Variants in DNAI3 observed in about 807,000 individuals in gnomAD.
DNAI3 encodes WD repeat domain 63.
DNAI3 carries 83 observed loss-of-function variants against 115.5 expected under a neutral mutation model. The observed-to-expected ratio is 0.72, with a 90% CI of 0.60 to 0.86. DNAI3 has a LOEUF of 0.86. Ranked by LOEUF, DNAI3 falls within the 40% of genes least tolerant of loss-of-function variation. The probability of loss-of-function intolerance (pLI) is 0.00; values close to 1 mark genes in which losing one functional copy is unlikely to be tolerated. For synonymous variants in DNAI3, 320 were observed against 347.0 expected, an observed-to-expected ratio of 0.92 and a Z score of 0.86; for missense variants, 1,004 against 1,075.8, an observed-to-expected ratio of 0.93 and a Z score of 0.93.
intron 14 of DNAI3, among the ~76,000 whole-genome samples, chr1:85,105,528 C>CAAAAAAAAAAAAAAAAAAA (rs755945527): frequency 3.9e-5 from 2 of 51,694 alleles, no homozygotes; most frequent in East Asian, 3.9e-4. Flanking sequence ...AACTCTGTCT[C>CAAAAAAAAAAAAAAAAAAA]AAAAAAAAAA....
chr1:85,130,269 C>A, intron 22 of DNAI3, 157 bp downstream of exon 22: 1 of 1,071,918 alleles, frequency 9.3e-7, no homozygotes, highest in Non-Finnish European at 1.3e-6. Context: ...GATTTCCTAG[C>A]TCACTGCCAG....
intron 22 of DNAI3, among the ~76,000 whole-genome samples, chr1:85,132,126 C>G (rs1656344672): frequency 1.3e-5 from 2 of 152,188 alleles, no homozygotes; most frequent in South Asian, 4.1e-4. Flanking sequence ...ATGTCTCCTT[C>G]TAAGCAACGG....
intron 20 of DNAI3, among the ~76,000 whole-genome samples, chr1:85,127,759 T>C (rs1482017096): frequency 2.6e-5 from 4 of 152,080 alleles, no homozygotes; most frequent in Admixed American, 2.0e-4. Flanking sequence ...GAATCCAGGA[T>C]TTTGCAATTT....
intron 1 of DNAI3, among the ~76,000 whole-genome samples, chr1:85,067,133 C>T (rs756504702): frequency 4.2e-4 from 64 of 152,228 alleles, no homozygotes; most frequent in Middle Eastern, 3.4e-3. Context: ...CTATATTCAC[C>T]GGGCTCTCTT....
chr1:85,066,887 A>C (rs1371957224), intron 1 of DNAI3, among the ~76,000 whole-genome samples: 4 of 152,190 alleles, frequency 2.6e-5, no homozygotes, highest in African/African-American at 9.7e-5. Context: ...TGTTTTTAAA[A>C]AGAAAGATCT....
chr1:85,132,876 G>A lies in DNAI3; in HGVS notation c.2554G>A (p.Glu852Lys), dbSNP rs751282637. The change falls in exon 23 of 23, where the codon GAA (glutamate) becomes AAA (lysine). Residue 852 changes from glutamate (E) to lysine (K), a missense_variant. Transcript: ENST00000294664. ...CCAGAAAACATATCAGAAGTCAAAAGAACAAATGCAGGCTGAATTAAAAAT... is the reference window on the plus strand; with the variant it reads ...CCAGAAAACATATCAGAAGTCAAAAAAACAAATGCAGGCTGAATTAAAAAT... ...KKVKTYQKSK[E>K]QMQAELKMDY... 10 of 1,613,466 alleles carry A rather than the reference G, an allele frequency of 6.2e-6. No homozygotes were observed. Among genetic ancestry groups the A allele is most frequent in the South Asian group, 2.2e-5 (2 of 91,030 alleles).
chr1:85,132,796 T>A, intron 22 of DNAI3, 59 bp from the exon 23 acceptor site: 4 of 1,578,218 alleles, frequency 2.5e-6, no homozygotes, highest in Non-Finnish European at 3.4e-6. Context: ...CTTCTCATCC[T>A]TTGGTATTTT....
intron 22 of DNAI3, chr1:85,130,326 C>T (rs762759494): frequency 9.4e-6 from 6 of 641,704 alleles, no homozygotes; most frequent in Non-Finnish European, 1.2e-5. Flanking sequence ...CTGAAATTTT[C>T]TATAATTTCA....
At chr1:85,115,731 A>G (rs1324290423) in intron 16 of DNAI3, among the ~76,000 whole-genome samples, 1 of 152,094 alleles carries the variant, frequency 6.6e-6, no homozygotes, top group Non-Finnish European at 1.5e-5. Flanking sequence ...GGCAGGCATT[A>G]GATTCCCATA....
At chr1:85,123,921 A>G (rs1656057130) in intron 18 of DNAI3, among the ~76,000 whole-genome samples, 200 bp from the exon 19 acceptor site, 1 of 152,222 alleles carries the variant, frequency 6.6e-6, no homozygotes. Context: ...AATGGCCTTG[A>G]TGGGATGTTC....
At chr1:85,126,444 C>T in intron 19 of DNAI3, 67 bp from the exon 20 acceptor site, 2 of 1,492,372 alleles carry the variant, frequency 1.3e-6, no homozygotes, top group Non-Finnish European at 1.8e-6. Context: ...TAATGAACAG[C>T]ATGGTGAATT....
chr1:85,100,435 A>G (rs1406588881), intron 13 of DNAI3, among the ~76,000 whole-genome samples: 2 of 152,214 alleles, frequency 1.3e-5, no homozygotes, highest in African/African-American at 2.4e-5. Flanking sequence ...ACCATCTCAC[A>G]CCAGTTAGAA....
At position 85,097,515 on chromosome 1, in the gene DNAI3, G is replaced by T. The variant is rs187584933; in HGVS notation, c.1264-54G>T. 1.4e-3 allele frequency: 2,116 copies of T among 1,493,794 alleles called. 6 individuals are homozygous for T. Among genetic ancestry groups the T allele is most frequent in the Non-Finnish European group, 1.4e-3 (1,559 of 1,106,178 alleles). The allele number at this position is 1,493,794 out of a possible 1,614,324, so 92.5% of individuals were successfully genotyped here. ...AAACCAATAGTTAAAAGAAAATTAA[G>T]ACTCAATTAGATATTTTCTGAAAAG... On this transcript the variant is annotated intron_variant, in intron 11 of 22. Transcript: ENST00000294664.
chr1:85,084,250 G>GTGTATATATA (rs1553165780), intron 5 of DNAI3, among the ~76,000 whole-genome samples: 1 of 85,040 alleles, frequency 1.2e-5, no homozygotes, highest in African/African-American at 3.6e-5. Context: ...TCAGCAGTGT[G>GTGTATATATA]TATATATATA....
chr1:85,098,019 A>G (rs1466325874), intron 12 of DNAI3, among the ~76,000 whole-genome samples: 1 of 152,312 alleles, frequency 6.6e-6, no homozygotes, highest in East Asian at 1.9e-4. Flanking sequence ...GAGTTTGGAC[A>G]TGCCACCTCA....
chr1:85,082,713 C>T lies in DNAI3; in HGVS notation c.390+309C>T, dbSNP rs549105159. Among the ~76,000 whole-genome samples, 14 of 152,266 alleles carry T rather than the reference C, an allele frequency of 9.2e-5. No homozygotes were observed. In the South Asian group the frequency reaches 2.7e-3, roughly 29 times the overall value. On this transcript the variant is annotated intron_variant, in intron 5 of 22. Coordinates refer to ENST00000294664, the MANE Select transcript of DNAI3 (RefSeq NM_145172.5). ...AGAAGCGGTACCTCTGCGGGGATCC[C>T]TATACATAGTGATGATTATTCTTGT... is the stretch of plus-strand genomic sequence containing the variant.
At chr1:85,092,794 T>TACACACACAC (rs58308443) in intron 8 of DNAI3, among the ~76,000 whole-genome samples, 5,136 of 145,248 alleles carry the variant, frequency 0.035, 118 homozygotes, top group Non-Finnish European at 0.048. Flanking sequence ...CAACTAAAAC[T>TACACACACAC]ACACACACAC....
At chr1:85,098,162 T>C (rs1370288092) in intron 12 of DNAI3, among the ~76,000 whole-genome samples, 4 of 152,208 alleles carry the variant, frequency 2.6e-5, no homozygotes, top group Non-Finnish European at 4.4e-5. Context: ...CTACCCACCA[T>C]ATTATGCATC....
intron 14 of DNAI3, 35 bp from the exon 15 acceptor site, chr1:85,107,998 G>T (rs1398649410): frequency 7.0e-7 from 1 of 1,431,702 alleles, no homozygotes; most frequent in Non-Finnish European, 9.2e-7. Flanking sequence ...CCTCTTGTTT[G>T]TACTTAATAA....
Sources: allele counts gnomAD v4.1 joint callset (sites outside exome capture counted in the v4.1 genomes callset), GRCh38; gene constraint gnomAD v4.1.1; transcripts MANE v1.5; gene names NCBI Gene and HGNC (gene_info 2026-07-23, HGNC 2026-07-21).